Variants in ITFG1 observed in about 807,000 individuals in gnomAD.
ITFG1 encodes the protein integrin alpha FG-GAP repeat containing 1, also known as T-cell immunomodulatory protein.
Under a neutral mutation model 81.8 loss-of-function variants are expected in ITFG1, and 34 were observed. The ratio of observed to expected loss-of-function variants is 0.42; its 90% CI spans 0.32 to 0.55. ITFG1 has a LOEUF of 0.55. Ranked by LOEUF, ITFG1 falls within the 20% of genes least tolerant of loss-of-function variation. The pLI is 0.17. For synonymous variants in ITFG1, 285 were observed against 270.6 expected, an observed-to-expected ratio of 1.05 and a Z score of -0.52; for missense variants, 672 against 755.4, an observed-to-expected ratio of 0.89 and a Z score of 1.29.
chr16:47,361,603 G>A (rs566882707), intron 8 of ITFG1, among the ~76,000 whole-genome samples: 2 of 152,088 alleles, frequency 1.3e-5, no homozygotes, highest in East Asian at 1.9e-4. Context: ...TTTATGGGTT[G>A]CAGATGTTCC....
intron 14 of ITFG1, chr16:47,196,161 C>T (rs2151519019): frequency 6.8e-6 from 1 of 147,372 alleles, no homozygotes; most frequent in East Asian, 2.0e-4. Context: ...TTTTCTTTGT[C>T]TTTGCTCTTC....
chr16:47,290,615 T>C (rs1317699815), intron 10 of ITFG1, among the ~76,000 whole-genome samples: 1 of 152,172 alleles, frequency 6.6e-6, no homozygotes. Flanking sequence ...TATAAATAAA[T>C]GTAGCGATAC....
chr16:47,428,104 C>T (rs911886970), intron 6 of ITFG1, among the ~76,000 whole-genome samples: 1 of 152,164 alleles, frequency 6.6e-6, no homozygotes, highest in African/African-American at 2.4e-5. Context: ...TACTACTGTG[C>T]TCCAGCCTGC....
chr16:47,349,241 C>T (rs534820008), intron 8 of ITFG1, among the ~76,000 whole-genome samples: 9 of 152,164 alleles, frequency 5.9e-5, no homozygotes, highest in Non-Finnish European at 1.2e-4. Context: ...GGGCTAAATG[C>T]TCCAATTAAA....
chr16:47,367,602 T>G (rs1422814131), intron 7 of ITFG1, among the ~76,000 whole-genome samples: 2 of 152,342 alleles, frequency 1.3e-5, no homozygotes, highest in East Asian at 3.9e-4. Context: ...GCAAGTTGGT[T>G]TCTTAAGAAA....
chr16:47,248,507 C>T (rs533808066), intron 12 of ITFG1, among the ~76,000 whole-genome samples: 2 of 152,274 alleles, frequency 1.3e-5, no homozygotes, highest in South Asian at 4.1e-4. Flanking sequence ...GATGGTGATT[C>T]TACTAATGTC....
intron 6 of ITFG1, among the ~76,000 whole-genome samples, chr16:47,415,929 A>G (rs1183953041): frequency 6.6e-6 from 1 of 152,104 alleles, no homozygotes; most frequent in East Asian, 1.9e-4. Flanking sequence ...CCCCGTCTCT[A>G]CTAAAAATAC....
chr16:47,316,385 A>AT (rs1449595550), intron 8 of ITFG1, among the ~76,000 whole-genome samples: 12 of 152,026 alleles, frequency 7.9e-5, no homozygotes, highest in East Asian at 3.9e-4. Flanking sequence ...TTTGAAACAA[A>AT]TTTTTTTCGG....
At chr16:47,412,400 A>G (rs1324178572) in intron 6 of ITFG1, among the ~76,000 whole-genome samples, 1 of 152,206 alleles carries the variant, frequency 6.6e-6, no homozygotes. Context: ...TCATTTTAAG[A>G]AAAAAACAAA....
At chr16:47,181,582 C>A (rs1377189689) in intron 14 of ITFG1, among the ~76,000 whole-genome samples, 3 of 149,088 alleles carry the variant, frequency 2.0e-5, no homozygotes, top group Admixed American at 6.6e-5. Flanking sequence ...GCCCGGCCAG[C>A]CGCCCCGTCC....
Position 47,375,921 on chromosome 16 carries a change from C to T in ITFG1, c.675G>A (p.Leu225=), listed in dbSNP as rs777629333. 4.4e-6 allele frequency: 7 copies of T among 1,604,602 alleles called. No individual in the cohort carries two copies. In the Admixed American group the frequency reaches 1.2e-4, roughly 27 times the overall value. The stretch of plus-strand genomic sequence containing the variant: ...ACTGGAAGGTACTAGTGGTGGCATT[C>T]AATGTCGTCAGGAATAAATCTAGAA... The part of the protein sequence containing the change: ...DFTADLFLTT[L]NATTSTFQFE... Residue 225 remains leucine, a synonymous_variant, in exon 7 of 18, where the codon TTG becomes TTA. Coordinates refer to ENST00000320640, the MANE Select transcript of ITFG1 (RefSeq NM_030790.5).
intron 6 of ITFG1, among the ~76,000 whole-genome samples, chr16:47,389,658 G>A (rs2151595288): frequency 6.6e-6 from 1 of 152,272 alleles, no homozygotes; most frequent in East Asian, 1.9e-4. Flanking sequence ...ATTACAATAA[G>A]GGGGAAAGAG....
intron 8 of ITFG1, among the ~76,000 whole-genome samples, chr16:47,355,119 A>G (rs1968020185): frequency 6.6e-6 from 1 of 152,198 alleles, no homozygotes. Context: ...TATTCACAAT[A>G]GCCAAGATAA....
At chr16:47,302,118 A>G (rs892831201) in intron 10 of ITFG1, among the ~76,000 whole-genome samples, 13 of 152,170 alleles carry the variant, frequency 8.5e-5, no homozygotes, top group Admixed American at 8.5e-4. Context: ...GAAGCACAAG[A>G]AAAAATAAGT....
chr16:47,379,887 CTTTTT>C (rs1481245730), intron 6 of ITFG1, among the ~76,000 whole-genome samples: 2 of 151,776 alleles, frequency 1.3e-5, no homozygotes, highest in Non-Finnish European at 1.5e-5. Context: ...TTTGTGTTTT[CTTTTT>C]TGAGAAATAT....
intron 1 of ITFG1, among the ~76,000 whole-genome samples, chr16:47,460,457 G>A (rs1398776154): frequency 2.0e-5 from 3 of 152,196 alleles, no homozygotes; most frequent in African/African-American, 7.2e-5. Context: ...AAATAGAAAG[G>A]AATGAGTGGG....
At chr16:47,396,465 G>T (rs1968594475) in intron 6 of ITFG1, among the ~76,000 whole-genome samples, 1 of 151,458 alleles carries the variant, frequency 6.6e-6, no homozygotes, top group African/African-American at 2.4e-5. Flanking sequence ...ACACAATGAG[G>T]ACTTGAATTT....
intron 14 of ITFG1, among the ~76,000 whole-genome samples, chr16:47,187,924 C>A (rs1473310636): frequency 6.6e-6 from 1 of 151,784 alleles, no homozygotes; most frequent in African/African-American, 2.4e-5. Context: ...AAGAAAAAAA[C>A]AAACAACCAC....
intron 8 of ITFG1, among the ~76,000 whole-genome samples, chr16:47,330,869 T>C (rs1967627810): frequency 6.6e-6 from 1 of 152,178 alleles, no homozygotes; most frequent in Admixed American, 6.6e-5. Flanking sequence ...CACACACTGT[T>C]GGTGGAAATG....
Sources: gnomAD v4.1 joint callset for allele counts (sites outside exome capture counted in the v4.1 genomes callset) on GRCh38, gnomAD v4.1.1 for gene constraint, MANE v1.5 for transcripts, NCBI Gene and HGNC (gene_info 2026-07-23, HGNC 2026-07-21) for gene names.